Variants in SLC12A6 observed in about 807,000 individuals in gnomAD.
SLC12A6 encodes the protein K-Cl cotransporter 3.
A neutral mutation model predicts 135.3 loss-of-function variants in SLC12A6; 66 were observed. The ratio of observed to expected loss-of-function variants is 0.49; its 90% CI spans 0.40 to 0.60. SLC12A6 has a LOEUF of 0.60. Among genes scored for constraint, SLC12A6 ranks in the 20% least tolerant of loss-of-function variants. The pLI is 0.00. For missense variants in SLC12A6, 1,058 were observed against 1,452.3 expected (o/e 0.73, Z 4.41); for synonymous variants, 513 against 508.8 (o/e 1.01, Z -0.11).
chr15:34,259,818 T>C (rs1395330424), intron 4 of SLC12A6, among the ~76,000 whole-genome samples: 2 of 152,208 alleles, frequency 1.3e-5, no homozygotes, highest in African/African-American at 2.4e-5. Context: ...CTCTTCATTA[T>C]GTTAAGTGAA....
At chr15:34,260,623 T>G (rs1044455999) in intron 4 of SLC12A6, among the ~76,000 whole-genome samples, 1 of 152,224 alleles carries the variant, frequency 6.6e-6, no homozygotes, top group African/African-American at 2.4e-5. Flanking sequence ...TACACTGATT[T>G]ATAGTTAGAA....
intron 3 of SLC12A6, among the ~76,000 whole-genome samples, chr15:34,265,788 C>T (rs7165738): frequency 0.039 from 5,976 of 152,160 alleles, 218 homozygotes; most frequent in African/African-American, 0.099. Context: ...GCAGAGGGAA[C>T]ACAGCAATTT....
rs747284713 is a variant in SLC12A6, at chr15:34,254,546, G to A, written c.920C>T (p.Ala307Val). 2 of 1,609,584 alleles carry A rather than the reference G, an allele frequency of 1.2e-6. No individual in the cohort carries two copies. The highest frequency in any genetic ancestry group is 1.1e-5 in the South Asian group (1 of 91,014). The change falls in exon 9 of 26, where the codon GCA becomes GTA. Residue 307 changes from alanine (A) to valine (V), a missense_variant. Physicochemically the swap from Ala to Val is moderately conservative, Grantham distance 64. This residue lies in a region of SLC12A6 where 297 missense variants were observed against 318.5 expected (regional missense o/e 0.93). Coordinates refer to ENST00000354181, the MANE Select transcript of SLC12A6 (RefSeq NM_001365088.1). ...PRAAIFHSDD[A>V]LKESAAMLNN... ...TAGCATGGCTGCTGATTCCTTGAGT[G>A]CGTCATCACTGTGAAAGATGGCAGC...
Position 34,254,509 on chromosome 15 carries a change from A to T in SLC12A6, c.957T>A (p.Arg319=). The T allele has an allele frequency of 6.2e-7, 1 of 1,613,344 alleles. No homozygotes were observed. Among genetic ancestry groups the T allele is most frequent in the Non-Finnish European group, 8.5e-7 (1 of 1,179,242 alleles). Residue 319 remains arginine (R), a synonymous_variant, in exon 9 of 26, where the codon CGT becomes CGA. Transcript: ENST00000354181. ...KESAAMLNNM[R]VYGTAFLVLM... ...GGACCAAGAAAGCTGTGCCGTAGAC[A>T]CGCATGTTATTTAGCATGGCTGCTG...
At chr15:34,321,141 C>G (rs1439762612) in intron 2 of SLC12A6, among the ~76,000 whole-genome samples, 2 of 152,190 alleles carry the variant, frequency 1.3e-5, no homozygotes, top group African/African-American at 4.8e-5. Flanking sequence ...TTTAAAACCT[C>G]TAATGCCCTG....
At chr15:34,288,393 G>A (rs1389130815) in intron 2 of SLC12A6, among the ~76,000 whole-genome samples, 1 of 152,224 alleles carries the variant, frequency 6.6e-6, no homozygotes, top group Admixed American at 6.5e-5. Context: ...TAGCCTCGTA[G>A]CAAAGTTTGA....
At chr15:34,322,438 A>G (rs1222684481) in intron 2 of SLC12A6, among the ~76,000 whole-genome samples, 1 of 152,150 alleles carries the variant, frequency 6.6e-6, no homozygotes, top group Non-Finnish European at 1.5e-5. Flanking sequence ...CTCAAAAGAA[A>G]AAAAGCTGCA....
At position 34,317,766 on chromosome 15, in the gene SLC12A6, T is replaced by C. The variant is rs1470288840; in HGVS notation, c.271+18644A>G. ...AGCTTATTCCCTTATTCTTAATTCA[T>C]ATAACTAAAGACGCTGCTCACGATT... On this transcript the variant is annotated intron_variant, in intron 2 of 25. Transcript: ENST00000354181. Among the ~76,000 whole-genome samples the C allele has an allele frequency of 3.3e-5, 5 of 152,136 alleles. No homozygotes were observed. The East Asian group carries it at 7.7e-4, about 23-fold the overall frequency.
chr15:34,291,414 A>C (rs1013980653), intron 2 of SLC12A6, among the ~76,000 whole-genome samples: 1 of 152,026 alleles, frequency 6.6e-6, no homozygotes, highest in Admixed American at 6.5e-5. Context: ...TGTGCTTAAC[A>C]TTTTTCCCTT....
At chr15:34,251,157 C>G (rs192029440) in intron 10 of SLC12A6, 100 bp from the exon 11 acceptor site, 16 of 896,604 alleles carry the variant, frequency 1.8e-5, no homozygotes, top group Admixed American at 1.9e-5. Context: ...CTCATTTATA[C>G]AGTTTCTAAA....
chr15:34,323,141 C>A (rs1250426297), intron 2 of SLC12A6, among the ~76,000 whole-genome samples: 1 of 152,028 alleles, frequency 6.6e-6, no homozygotes, highest in Non-Finnish European at 1.5e-5. Context: ...CAAAGGAGAT[C>A]TGTATCTAGA....
chr15:34,295,775 G>C (rs1895838197), intron 2 of SLC12A6, among the ~76,000 whole-genome samples: 1 of 152,150 alleles, frequency 6.6e-6, no homozygotes, highest in African/African-American at 2.4e-5. Flanking sequence ...AAGGTAGGCG[G>C]ATCACCTGAA....
At chr15:34,268,979 C>T (rs1187057260) in intron 3 of SLC12A6, among the ~76,000 whole-genome samples, 1 of 152,016 alleles carries the variant, frequency 6.6e-6, no homozygotes, top group African/African-American at 2.4e-5. Context: ...ACCTCAGCCT[C>T]CCGAGTAGCT....
intron 18 of SLC12A6, 56 bp downstream of exon 18, chr15:34,241,177 C>G (rs1891616248): frequency 1.1e-6 from 1 of 925,764 alleles, no homozygotes; most frequent in African/African-American, 1.6e-5. Context: ...ATCAACAAAA[C>G]ACATATTTTT....
chr15:34,315,711 C>T (rs1435752071), intron 2 of SLC12A6, among the ~76,000 whole-genome samples: 5 of 152,076 alleles, frequency 3.3e-5, no homozygotes, highest in Non-Finnish European at 5.9e-5. Context: ...GACGGCCAGG[C>T]GCAGTGGCTT....
At chr15:34,275,625 A>G (rs1894248935) in intron 2 of SLC12A6, among the ~76,000 whole-genome samples, 1 of 152,220 alleles carries the variant, frequency 6.6e-6, no homozygotes, top group South Asian at 2.1e-4. Flanking sequence ...TACTTCCAAA[A>G]TAATTGAAAA....
chr15:34,229,813 C>T lies in SLC12A6; in HGVS notation c.*4068G>A. 6.2e-7 allele frequency: 1 copy of T among 1,611,518 alleles called. No individual in the cohort carries two copies. ...AACATGAGAAAGCAGCGCCTGGTCC[C>T]TATGTATTTGGGTCTTATTTACATC... On this transcript the variant is annotated 3_prime_UTR_variant, in exon 26 of 26. Coordinates refer to ENST00000354181, the MANE Select transcript of SLC12A6 (RefSeq NM_001365088.1).
intron 2 of SLC12A6, among the ~76,000 whole-genome samples, chr15:34,290,185 T>G (rs1464150418): frequency 6.6e-6 from 1 of 152,220 alleles, no homozygotes; most frequent in African/African-American, 2.4e-5. Context: ...ATGTCTTTGT[T>G]CTCATCGGTT....
At chr15:34,306,637 C>G (rs963484356) in intron 2 of SLC12A6, among the ~76,000 whole-genome samples, 1 of 152,068 alleles carries the variant, frequency 6.6e-6, no homozygotes, top group Non-Finnish European at 1.5e-5. Flanking sequence ...GTGAGATATT[C>G]AAGTAGCCAC....
Sources: allele counts gnomAD v4.1 joint callset (sites outside exome capture counted in the v4.1 genomes callset), GRCh38; gene constraint gnomAD v4.1.1; regional missense constraint gnomAD v4.1.1; transcripts MANE v1.5; gene names NCBI Gene and HGNC (gene_info 2026-07-23, HGNC 2026-07-21).